Variants in NBAS observed in about 807,000 individuals in gnomAD.
The protein encoded by NBAS is NBAS subunit of NRZ tethering complex, also known as NAG/BC035112 fusion.
Under a neutral mutation model 302.5 loss-of-function variants are expected in NBAS, and 219 were observed. The ratio of observed to expected loss-of-function variants is 0.72; its 90% CI spans 0.65 to 0.81. The LOEUF is 0.81. Among genes scored for constraint, NBAS ranks in the 30% least tolerant of loss-of-function variants. NBAS has a pLI of 0.00. For missense variants in NBAS, 2,932 were observed against 2,841.6 expected (o/e 1.03, Z -0.72); for synonymous variants, 1,118 against 1,021.6 (o/e 1.09, Z -1.80).
the NBAS span, among the ~76,000 whole-genome samples, chr2:14,835,661 G>A: frequency 1.3e-5 from 2 of 151,838 alleles, no homozygotes; most frequent in African/African-American, 4.8e-5. Context: ...TACATACCCA[G>A]GTTGTTATAT....
chr2:15,056,561 G>A, the NBAS span, among the ~76,000 whole-genome samples: 1 of 152,148 alleles, frequency 6.6e-6, no homozygotes, highest in African/African-American at 2.4e-5. Flanking sequence ...ATAATCATCT[G>A]TATTTTACCT....
chr2:15,415,118 C>A (rs925569659), intron 25 of NBAS, among the ~76,000 whole-genome samples: 1 of 152,146 alleles, frequency 6.6e-6, no homozygotes, highest in Admixed American at 6.6e-5. Context: ...ATCCTGGTTT[C>A]TCTACTTACT....
the NBAS span, among the ~76,000 whole-genome samples, chr2:15,083,043 G>C: frequency 6.6e-6 from 1 of 152,208 alleles, no homozygotes; most frequent in Non-Finnish European, 1.5e-5. Context: ...ATTTGCATGA[G>C]TCTCCCTGTA....
chr2:15,054,097 C>T, the NBAS span, among the ~76,000 whole-genome samples: 16 of 152,238 alleles, frequency 1.1e-4, no homozygotes, highest in African/African-American at 3.4e-4. Flanking sequence ...AATGTATGTG[C>T]GCTTTAGAAG....
chr2:15,268,836 T>G lies in NBAS; in HGVS notation c.5724+6648A>C, dbSNP rs558340549. 1.4e-4 allele frequency among the ~76,000 whole-genome samples: 21 copies of G among 152,340 alleles called. No individual in the cohort carries two copies. The East Asian group carries it at 2.5e-3, about 18-fold the overall frequency. ...CCTGATTCCTCTGTCTCTTAACTGA[T>G]TGCAACTTGAGAATGGACAATGACA... is the stretch of plus-strand genomic sequence containing the variant. On this transcript the variant is annotated intron_variant, in intron 44 of 51. Coordinates refer to ENST00000281513, the MANE Select transcript of NBAS (RefSeq NM_015909.4).
intron 9 of NBAS, among the ~76,000 whole-genome samples, chr2:15,527,154 G>A (rs1662950759): frequency 6.7e-6 from 1 of 149,502 alleles, no homozygotes; most frequent in African/African-American, 2.4e-5. Flanking sequence ...AATAGAAAAG[G>A]AGAAAAAAGG....
At chr2:15,493,694 C>T (rs865813257) in intron 11 of NBAS, among the ~76,000 whole-genome samples, 1 of 151,636 alleles carries the variant, frequency 6.6e-6, no homozygotes, top group Admixed American at 6.6e-5. Context: ...AAAGGTAAAC[C>T]TCAAACATTT....
chr2:15,411,038 TTCC>T (rs1270086167), intron 25 of NBAS, among the ~76,000 whole-genome samples: 4 of 152,172 alleles, frequency 2.6e-5, no homozygotes, highest in African/African-American at 7.2e-5. Context: ...ACTGGCCTGC[TTCC>T]TCCTCCTGTT....
intron 11 of NBAS, among the ~76,000 whole-genome samples, chr2:15,502,048 C>T (rs1661595163): frequency 6.6e-6 from 1 of 152,198 alleles, no homozygotes; most frequent in Non-Finnish European, 1.5e-5. Flanking sequence ...ATCTTAGTTT[C>T]TGTTTCTTCC....
chr2:15,130,747 G>A, the NBAS span, among the ~76,000 whole-genome samples: 1 of 152,168 alleles, frequency 6.6e-6, no homozygotes, highest in African/African-American at 2.4e-5. Context: ...ATCTCTTCTC[G>A]AAGTCTCCGC....
intron 21 of NBAS, among the ~76,000 whole-genome samples, chr2:15,448,226 G>A (rs191369407): frequency 3.9e-5 from 6 of 152,088 alleles, no homozygotes; most frequent in East Asian, 1.9e-4. Flanking sequence ...CCCTTTTAGC[G>A]TACCTAAAAT....
At chr2:15,079,922 AT>A in the NBAS span, among the ~76,000 whole-genome samples, 1 of 152,214 alleles carries the variant, frequency 6.6e-6, no homozygotes, top group African/African-American at 2.4e-5. Flanking sequence ...ATTCAAACTT[AT>A]TTGGCATGAT....
At chr2:15,396,125 T>C (rs1043319036) in intron 27 of NBAS, among the ~76,000 whole-genome samples, 2 of 152,150 alleles carry the variant, frequency 1.3e-5, no homozygotes, top group East Asian at 1.9e-4. Flanking sequence ...CACAATTTTG[T>C]GAGTTAGATA....
At chr2:15,091,700 T>A in the NBAS span, among the ~76,000 whole-genome samples, 3 of 152,040 alleles carry the variant, frequency 2.0e-5, no homozygotes, top group Non-Finnish European at 4.4e-5. Flanking sequence ...ACCTGGCTAA[T>A]TTTTGTATTT....
intron 51 of NBAS, among the ~76,000 whole-genome samples, chr2:15,176,800 A>G (rs1190434164): frequency 6.6e-6 from 1 of 152,194 alleles, no homozygotes; most frequent in African/African-American, 2.4e-5. Flanking sequence ...TGTATACTCT[A>G]GTCATGAAAG....
the NBAS span, among the ~76,000 whole-genome samples, chr2:15,099,382 C>T: frequency 6.6e-6 from 1 of 152,016 alleles, no homozygotes; most frequent in African/African-American, 2.4e-5. Flanking sequence ...ATATGCTTCT[C>T]TCTACCTTTC....
At chr2:15,403,014 A>C (rs1045722163) in intron 25 of NBAS, among the ~76,000 whole-genome samples, 1 of 152,222 alleles carries the variant, frequency 6.6e-6, no homozygotes, top group Non-Finnish European at 1.5e-5. Context: ...TAAATTAATA[A>C]ATATAGAATG....
At chr2:15,470,449 T>A (rs1330685076) in intron 16 of NBAS, among the ~76,000 whole-genome samples, 1 of 152,216 alleles carries the variant, frequency 6.6e-6, no homozygotes, top group African/African-American at 2.4e-5. Flanking sequence ...ACAGAGCTCA[T>A]TTATCCATAA....
chr2:15,464,967 T>C (rs7596435), intron 19 of NBAS, among the ~76,000 whole-genome samples: 95,278 of 152,150 alleles, frequency 0.63, 30,593 homozygotes, highest in Middle Eastern at 0.68. Flanking sequence ...GACCTGATTA[T>C]GAGCCCTTGC....
Sources: allele counts gnomAD v4.1 joint callset (sites outside exome capture counted in the v4.1 genomes callset), GRCh38; gene constraint gnomAD v4.1.1; transcripts MANE v1.5; gene names NCBI Gene and HGNC (gene_info 2026-07-23, HGNC 2026-07-21).